The following PITPNC1 variants were observed in gnomAD, a reference collection of about 807,000 sequenced individuals.
PITPNC1 encodes phosphatidylinositol transfer protein cytoplasmic 1.
A neutral mutation model predicts 44.7 loss-of-function variants in PITPNC1; 18 were observed. The ratio of observed to expected loss-of-function variants is 0.40; its 90% CI spans 0.28 to 0.60. The LOEUF is 0.60. PITPNC1 is among the 20% of genes least tolerant of loss of function. The probability of loss-of-function intolerance (pLI) is 0.39; values close to 1 mark genes in which losing one functional copy is unlikely to be tolerated. For synonymous variants in PITPNC1, 141 were observed against 149.6 expected, an observed-to-expected ratio of 0.94 and a Z score of 0.42; for missense variants, 290 against 418.4, an observed-to-expected ratio of 0.69 and a Z score of 2.68.
chr17:67,649,339 G>A (rs1161565533), intron 6 of PITPNC1, among the ~76,000 whole-genome samples: 1 of 152,202 alleles, frequency 6.6e-6, no homozygotes, highest in Non-Finnish European at 1.5e-5. Flanking sequence ...CCATGGCTAG[G>A]GCTGAGATGG....
intron 1 of PITPNC1, among the ~76,000 whole-genome samples, chr17:67,431,655 G>C (rs553032161): frequency 2.0e-5 from 3 of 152,300 alleles, no homozygotes; most frequent in Non-Finnish European, 4.4e-5. Flanking sequence ...ACGGTAATTT[G>C]TAAAAGAGAC....
chr17:67,419,392 A>C (rs1293523959), intron 1 of PITPNC1, among the ~76,000 whole-genome samples: 1 of 152,130 alleles, frequency 6.6e-6, no homozygotes, highest in African/African-American at 2.4e-5. Context: ...TATCCAGGAA[A>C]CATCATTTCA....
chr17:67,409,337 G>T (rs1389505980), intron 1 of PITPNC1, among the ~76,000 whole-genome samples: 2 of 151,792 alleles, frequency 1.3e-5, no homozygotes, highest in African/African-American at 4.8e-5. Flanking sequence ...ACCCGCCTCG[G>T]CCTCCCAAAG....
chr17:67,560,019 A>C (rs1361451609), intron 4 of PITPNC1, among the ~76,000 whole-genome samples: 1 of 152,258 alleles, frequency 6.6e-6, no homozygotes, highest in Non-Finnish European at 1.5e-5. Context: ...ACCATTTATA[A>C]CTACCATTCA....
chr17:67,561,112 T>C (rs922181230), intron 4 of PITPNC1, among the ~76,000 whole-genome samples: 1 of 152,156 alleles, frequency 6.6e-6, no homozygotes, highest in African/African-American at 2.4e-5. Flanking sequence ...TCTGTAAAAA[T>C]AAAACAGTAT....
Position 67,695,532 on chromosome 17 carries a change from A to C in PITPNC1, c.*2644A>C, listed in dbSNP as rs1310506294. The C allele has an allele frequency of 6.6e-6, 1 of 151,246 alleles. No individual in the cohort carries two copies. The highest frequency in any genetic ancestry group is 2.4e-5 in the African/African-American group (1 of 41,248). The allele number at this position is 151,246 out of a possible 1,614,324, so 9.4% of individuals were successfully genotyped here. A position where few individuals can be genotyped will look rare whatever the true frequency, so the allele number is the denominator to read the frequency against. On this transcript the variant is annotated 3_prime_UTR_variant, in exon 9 of 9. Transcript: ENST00000581322. ...GCTAAGCATGTTTGGGGGGAAATAGAATCCTTAACTCAGTGCCTCTGTCTG... is the reference window on the plus strand; with the variant it reads ...GCTAAGCATGTTTGGGGGGAAATAGCATCCTTAACTCAGTGCCTCTGTCTG...
At chr17:67,546,733 G>A (rs1360891023) in intron 2 of PITPNC1, among the ~76,000 whole-genome samples, 2 of 152,158 alleles carry the variant, frequency 1.3e-5, no homozygotes, top group East Asian at 1.9e-4. Flanking sequence ...GGTGGGGCCC[G>A]TGAGTCCAAG....
chr17:67,527,634 G>A (rs1002331933), intron 1 of PITPNC1, among the ~76,000 whole-genome samples: 1 of 152,136 alleles, frequency 6.6e-6, no homozygotes, highest in Non-Finnish European at 1.5e-5. Context: ...CCAGGAGGTG[G>A]AGGTTGCAGT....
At chr17:67,581,224 T>C (rs763471620) in intron 5 of PITPNC1, among the ~76,000 whole-genome samples, 53 of 152,204 alleles carry the variant, frequency 3.5e-4, no homozygotes, top group Non-Finnish European at 5.7e-4. Flanking sequence ...ACTACTCTCC[T>C]AGGAATTTAA....
intron 6 of PITPNC1, among the ~76,000 whole-genome samples, chr17:67,656,970 AT>A (rs1411262611): frequency 1.3e-5 from 2 of 152,194 alleles, no homozygotes; most frequent in Non-Finnish European, 2.9e-5. Context: ...GGCAATTTAG[AT>A]ACTGAATGTT....
rs557991390 is a variant in PITPNC1, at chr17:67,475,918, G to A, written c.49-56884G>A. On this transcript the variant is annotated intron_variant, in intron 1 of 8. Transcript: ENST00000581322. ...GCTGTGGGAAGTTAACAGAGCAACA[G>A]AGCGGTCTCTAACGTAAAAAAACCC... 8.5e-5 allele frequency among the ~76,000 whole-genome samples: 13 copies of A among 152,246 alleles called. No homozygotes were observed. In the East Asian group the frequency reaches 2.5e-3, roughly 29 times the overall value.
intron 1 of PITPNC1, among the ~76,000 whole-genome samples, chr17:67,475,157 C>CA (rs2039608422): frequency 6.6e-6 from 1 of 152,202 alleles, no homozygotes; most frequent in African/African-American, 2.4e-5. Context: ...TTCTGGTTCG[C>CA]AGAGGGTCTT....
At chr17:67,505,831 G>A (rs1022212902) in intron 1 of PITPNC1, among the ~76,000 whole-genome samples, 5 of 152,146 alleles carry the variant, frequency 3.3e-5, no homozygotes, top group African/African-American at 7.2e-5. Context: ...CATGTGTTAC[G>A]CTTGCACACA....
At chr17:67,553,576 TTCCTC>T (rs1489047484) in intron 3 of PITPNC1, 29 bp from the exon 4 acceptor site, 5 of 1,110,434 alleles carry the variant, frequency 4.5e-6, no homozygotes, top group Middle Eastern at 2.0e-4. Flanking sequence ...TCTTTTTTCT[TTCCTC>T]TCTTCTTCAA....
intron 1 of PITPNC1, chr17:67,379,080 C>G: frequency 1.0e-6 from 1 of 985,900 alleles, no homozygotes; most frequent in Non-Finnish European, 1.2e-6. Flanking sequence ...CCCTTTCTTC[C>G]CCTTCTTCCT....
intron 1 of PITPNC1, among the ~76,000 whole-genome samples, chr17:67,488,504 A>G (rs930012335): frequency 2.0e-5 from 3 of 152,112 alleles, no homozygotes; most frequent in Non-Finnish European, 4.4e-5. Flanking sequence ...GTCCTCAGTC[A>G]CCTTCATCAA....
intron 1 of PITPNC1, among the ~76,000 whole-genome samples, chr17:67,441,836 C>G (rs2039016824): frequency 6.6e-6 from 1 of 152,128 alleles, no homozygotes; most frequent in Non-Finnish European, 1.5e-5. Context: ...ACTGCACACG[C>G]CTGGCTTCAG....
intron 1 of PITPNC1, among the ~76,000 whole-genome samples, chr17:67,380,098 G>A (rs1196933983): frequency 7.1e-6 from 1 of 140,586 alleles, no homozygotes; most frequent in African/African-American, 2.7e-5. Flanking sequence ...TTTTTGAGAT[G>A]GAGCCTTGTT....
At chr17:67,468,400 C>CTT (rs139820910) in intron 1 of PITPNC1, among the ~76,000 whole-genome samples, 2,624 of 119,906 alleles carry the variant, frequency 0.022, 73 homozygotes, top group Non-Finnish European at 0.032. Flanking sequence ...GCTTTCTTTC[C>CTT]TTTTTTTTTT....
Sources: gnomAD v4.1 joint callset for allele counts (sites outside exome capture counted in the v4.1 genomes callset) on GRCh38, gnomAD v4.1.1 for gene constraint, MANE v1.5 for transcripts, NCBI Gene and HGNC (gene_info 2026-07-23, HGNC 2026-07-21) for gene names.